TSPAN15: variants seen among roughly 807,000 people sequenced by gnomAD.
TSPAN15 encodes the protein tetraspanin 15.
In TSPAN15, 20 loss-of-function variants were observed where a neutral mutation model predicts 34.5. That is an observed-to-expected ratio of 0.58 (90% CI 0.41 to 0.84). The LOEUF (loss-of-function observed/expected upper bound fraction) is 0.84. TSPAN15 is among the 40% of genes least tolerant of loss of function. TSPAN15 has a pLI of 0.00. For missense variants in TSPAN15, 313 were observed against 386.1 expected, an observed-to-expected ratio of 0.81 and a Z score of 1.59; for synonymous variants, 155 against 153.9, an observed-to-expected ratio of 1.01 and a Z score of -0.05.
chr10:69,458,730 A>G (rs533100000), intron 1 of TSPAN15, among the ~76,000 whole-genome samples: 64 of 152,290 alleles, frequency 4.2e-4, no homozygotes, highest in African/African-American at 1.2e-3. Flanking sequence ...CAGCCCTGCC[A>G]GGGGTTTGGA....
Position 69,506,363 on chromosome 10 carries a change from G to A in TSPAN15, c.735+123G>A. ...GTCCAGGACTTGCCTGGGGAGGGCT[G>A]CATGGCTGGAAGGAGGGGCAAATGG... On this transcript the variant is annotated intron_variant, in intron 7 of 7. Coordinates refer to ENST00000373290, the MANE Select transcript of TSPAN15 (RefSeq NM_012339.5). This position sits in a 1 kb window ranked among gnomAD's most constrained non-coding sequence, Gnocchi z 4.7. 3.3e-6 allele frequency: 3 copies of A among 918,214 alleles called. No homozygotes were observed. The highest frequency in any genetic ancestry group is 5.0e-6 in the Non-Finnish European group (3 of 595,904). 56.9% of individuals were successfully genotyped at this position (918,214 alleles called of 1,614,324 possible). A position where few individuals can be genotyped will look rare whatever the true frequency, so the allele number is the denominator to read the frequency against.
At chr10:69,546,041 C>G in the TSPAN15 span, among the ~76,000 whole-genome samples, 1 of 152,070 alleles carries the variant, frequency 6.6e-6, no homozygotes, top group Non-Finnish European at 1.5e-5. Context: ...AGTGGGTGGC[C>G]GAGTTTACCT....
At chr10:69,533,638 C>T in the TSPAN15 span, among the ~76,000 whole-genome samples, 1 of 152,048 alleles carries the variant, frequency 6.6e-6, no homozygotes, top group African/African-American at 2.4e-5. Context: ...CAACCAAACA[C>T]CATCCATACC....
chr10:69,511,078 A>T (rs1564620227), downstream of TSPAN15, among the ~76,000 whole-genome samples: 1 of 152,178 alleles, frequency 6.6e-6, no homozygotes. Context: ...TATCAGGATG[A>T]TGCTGGCCTC....
At chr10:69,522,292 G>A in the TSPAN15 span, among the ~76,000 whole-genome samples, 1 of 140,472 alleles carries the variant, frequency 7.1e-6, no homozygotes, top group Non-Finnish European at 1.5e-5. Context: ...GCCTGGGGAG[G>A]TCAAGGCTGC....
chr10:69,509,142 G>T (rs913695428), downstream of TSPAN15, among the ~76,000 whole-genome samples: 7 of 152,296 alleles, frequency 4.6e-5, no homozygotes, highest in Admixed American at 4.6e-4. Flanking sequence ...AGACAGGCTG[G>T]TCTGAATCGC....
the TSPAN15 span, among the ~76,000 whole-genome samples, chr10:69,530,820 C>CTCTCTCTATA: frequency 6.8e-4 from 21 of 30,776 alleles, no homozygotes; most frequent in Non-Finnish European, 1.1e-3. Context: ...CTCTCTCTCT[C>CTCTCTCTATA]TATATATATA....
At chr10:69,537,747 A>ATTCC in the TSPAN15 span, among the ~76,000 whole-genome samples, 1 of 152,242 alleles carries the variant, frequency 6.6e-6, no homozygotes, top group Non-Finnish European at 1.5e-5. Flanking sequence ...ATTTCTGGGA[A>ATTCC]GAACGTGATT....
intron 1 of TSPAN15, among the ~76,000 whole-genome samples, chr10:69,452,136 C>T (rs1162352605): frequency 6.6e-6 from 1 of 152,200 alleles, no homozygotes; most frequent in Non-Finnish European, 1.5e-5. Context: ...CTTGCTGATG[C>T]CCCTGAGCGA....
chr10:69,475,995 C>T (rs1366540500), intron 1 of TSPAN15, among the ~76,000 whole-genome samples: 1 of 151,944 alleles, frequency 6.6e-6, no homozygotes. Flanking sequence ...TATTTCTTCA[C>T]TTAGGAGCAG....
chr10:69,534,119 A>T, the TSPAN15 span, among the ~76,000 whole-genome samples: 1 of 152,242 alleles, frequency 6.6e-6, no homozygotes, highest in Admixed American at 6.5e-5. Context: ...GATTATTATC[A>T]TACTTTTAGG....
At chr10:69,497,540 G>A (rs1214627885) in intron 4 of TSPAN15, among the ~76,000 whole-genome samples, 1 of 152,090 alleles carries the variant, frequency 6.6e-6, no homozygotes, top group Admixed American at 6.5e-5. Context: ...ACCTAGAGCT[G>A]CCCCTCCCCA....
At chr10:69,478,382 G>T (rs776265044) in intron 1 of TSPAN15, among the ~76,000 whole-genome samples, 1 of 152,160 alleles carries the variant, frequency 6.6e-6, no homozygotes, top group South Asian at 2.1e-4. Context: ...TCTGAAAAGC[G>T]CTTTGTTTTG....
intron 1 of TSPAN15, among the ~76,000 whole-genome samples, chr10:69,469,538 TACCTCCCAGGCTCAAGCAAACCTCC>T (rs1267986498): frequency 3.3e-5 from 5 of 152,060 alleles, no homozygotes; most frequent in Non-Finnish European, 5.9e-5. Flanking sequence ...CTGCAACCTC[TACCTCCCAGGCTCAAGCAAACCTCC>T]ACCTCCCAGG....
In TSPAN15 at chr10:69,469,428, A is replaced by T. The variant is rs151167804; in HGVS notation, c.97-14263A>T. 3.0e-4 allele frequency among the ~76,000 whole-genome samples: 46 copies of T among 152,248 alleles called. 2 individuals are homozygous for T. In the East Asian group the frequency reaches 8.7e-3, roughly 29 times the overall value. On this transcript the variant is annotated intron_variant, in intron 1 of 7. Transcript: ENST00000373290. ...CCAGACTTTGAGTCCTGGACTTGTG[A>T]TTGGCATCTGAAGGTCAGGCAATCT... is the stretch of plus-strand genomic sequence containing the variant.
At chr10:69,519,022 T>C in the TSPAN15 span, among the ~76,000 whole-genome samples, 1 of 152,252 alleles carries the variant, frequency 6.6e-6, no homozygotes. Context: ...GACTGTGGTA[T>C]GCTTCTGCGT....
At chr10:69,504,577 G>A (rs1589655925) in intron 6 of TSPAN15, 92 bp downstream of exon 6, 2 of 1,323,648 alleles carry the variant, frequency 1.5e-6, no homozygotes, top group Non-Finnish European at 2.2e-6. Flanking sequence ...CGGGGTCCTG[G>A]CCACTGAGAT....
the TSPAN15 span, among the ~76,000 whole-genome samples, chr10:69,542,888 T>C: frequency 6.6e-6 from 1 of 152,232 alleles, no homozygotes; most frequent in African/African-American, 2.4e-5. Flanking sequence ...ATACACAGGC[T>C]TTGGAATGAG....
At chr10:69,469,647 T>G (rs940993208) in intron 1 of TSPAN15, among the ~76,000 whole-genome samples, 2 of 152,194 alleles carry the variant, frequency 1.3e-5, no homozygotes, top group Non-Finnish European at 2.9e-5. Context: ...TTGCCATTAC[T>G]TTTAATAATA....
Sources: allele counts gnomAD v4.1 joint callset (sites outside exome capture counted in the v4.1 genomes callset), GRCh38; gene constraint gnomAD v4.1.1; non-coding constraint Gnocchi (gnomAD v3.1); transcripts MANE v1.5; gene names NCBI Gene and HGNC (gene_info 2026-07-23, HGNC 2026-07-21).